The following ZFAND4 variants were observed in gnomAD, a reference collection of about 807,000 sequenced individuals.
The protein encoded by ZFAND4 is AN1-type zinc finger protein 4.
A neutral mutation model predicts 64.4 loss-of-function variants in ZFAND4; 43 were observed. The ratio of observed to expected loss-of-function variants is 0.67; its 90% CI spans 0.52 to 0.86. The LOEUF (loss-of-function observed/expected upper bound fraction) is 0.86, where lower values mean the gene tolerates loss of function less well. Among genes scored for constraint, ZFAND4 ranks in the 40% least tolerant of loss-of-function variants. The probability of loss-of-function intolerance (pLI) is 0.00; values close to 1 mark genes in which losing one functional copy is unlikely to be tolerated. For synonymous variants in ZFAND4, 296 were observed against 305.7 expected (o/e 0.97, Z 0.33); for missense variants, 929 against 859.8 (o/e 1.08, Z -1.01).
intron 6 of ZFAND4, among the ~76,000 whole-genome samples, chr10:45,628,689 T>C (rs937100651): frequency 7.9e-5 from 12 of 151,968 alleles, no homozygotes; most frequent in African/African-American, 2.2e-4. Context: ...TAATGACAGC[T>C]GCCTAAAACT....
chr10:45,618,240 G>C lies in ZFAND4; in HGVS notation c.1948C>G (p.Leu650Val), dbSNP rs1410990329. ...KSVGECTTHH[L>V]PPVKAPLQTK... ...TGAAGAGGGGCTTTCACAGGTGGGA[G>C]GTGATGAGTAGTACATTCTCCTGTT... The change falls in exon 9 of 10, where the codon CTC becomes GTC. Residue 650 changes from leucine to valine, a missense_variant. By Grantham distance (32) the Leu-to-Val change is conservative. Transcript: ENST00000344646. The C allele has an allele frequency of 1.2e-6, 2 of 1,613,088 alleles. No individual in the cohort carries two copies. The highest frequency in any genetic ancestry group is 2.7e-5 in the African/African-American group (2 of 74,822).
At chr10:45,663,996 T>C (rs2048642119) in intron 1 of ZFAND4, among the ~76,000 whole-genome samples, 154 bp from the exon 2 acceptor site, 1 of 152,192 alleles carries the variant, frequency 6.6e-6, no homozygotes, top group South Asian at 2.1e-4. Flanking sequence ...TTTTCACATT[T>C]GTCTCTGAAA....
intron 7 of ZFAND4, among the ~76,000 whole-genome samples, chr10:45,625,499 G>A (rs367783656): frequency 6.7e-6 from 1 of 149,682 alleles, no homozygotes; most frequent in African/African-American, 2.4e-5. Context: ...AAAAAAGGGA[G>A]AGAGAGAGTG....
intron 6 of ZFAND4, among the ~76,000 whole-genome samples, chr10:45,629,912 C>T (rs2046091178): frequency 6.6e-6 from 1 of 151,932 alleles, no homozygotes. Context: ...AAAAGTGTGT[C>T]ACTGATTTAA....
rs576019190 is a variant in ZFAND4 at position 45,641,612 on chromosome 10, A to G, written c.570-1649T>C. 6.4e-4 allele frequency among the ~76,000 whole-genome samples: 97 copies of G among 152,300 alleles called. 2 individuals are homozygous for G. The South Asian group carries it at 0.019, about 31-fold the overall frequency. ...AATGTAGGACTGGTCTCCACAACCA[A>G]TTCAGTCTGTGGTGCTTGACTTGTG... On this transcript the variant is annotated intron_variant, in intron 5 of 9. Transcript: ENST00000344646.
chr10:45,640,307 G>A, intron 5 of ZFAND4: 1 of 1,247,796 alleles, frequency 8.0e-7, no homozygotes, highest in Non-Finnish European at 1.0e-6. Flanking sequence ...ATCAGCCAAG[G>A]CTGATAATTG....
Position 45,639,849 on chromosome 10 carries a change from C to A in ZFAND4, c.684G>T (p.Lys228Asn), listed in dbSNP as rs2046866610. ...TGAGATTCATGTTCTTCATCTTAGC[C>A]TTCAGCAGCTTCATCTTATTCATAG... ...SITMNKMKLL[K>N]AKMKNMNLSK... The change falls in exon 6 of 10, where the codon AAG becomes AAT. Residue 228 changes from lysine to asparagine, a missense_variant. Transcript: ENST00000344646. 4 of 1,612,146 alleles carry A rather than the reference C, an allele frequency of 2.5e-6. No individual in the cohort carries two copies. Among genetic ancestry groups the A allele is most frequent in the Non-Finnish European group, 3.4e-6 (4 of 1,179,598 alleles).
intron 4 of ZFAND4, chr10:45,651,293 T>G (rs2133787548): frequency 4.4e-6 from 1 of 226,998 alleles, no homozygotes; most frequent in East Asian, 9.8e-5. Flanking sequence ...ACTAATGTCA[T>G]CTTTTTCGAG....
chr10:45,648,295 T>C lies in ZFAND4; in HGVS notation c.568A>G (p.Ser190Gly). Reference protein sequence around the residue: ...VLRRKGEHRMSGGSMYNSDTD... With the variant: ...VLRRKGEHRMGGGSMYNSDTD... Reference sequence around the variant, plus strand: ...GGTAAACAAAAGTTTATGGAGTACCTCATACGATGTTCTCCTTTTCTCCGT... The same window carrying C: ...GGTAAACAAAAGTTTATGGAGTACCCCATACGATGTTCTCCTTTTCTCCGT... Residue 190 changes from serine to glycine, a missense_variant and splice_region_variant, in exon 5 of 10, where the codon AGT becomes GGT. By Grantham distance (56) the Ser-to-Gly change is moderately conservative. Coordinates refer to ENST00000344646, the MANE Select transcript of ZFAND4 (RefSeq NM_174890.4). 1.2e-6 allele frequency: 2 copies of C among 1,604,416 alleles called. No individual in the cohort carries two copies. The highest frequency in any genetic ancestry group is 1.7e-6 in the Non-Finnish European group (2 of 1,175,566).
At chr10:45,632,255 G>C (rs1438588916) in intron 6 of ZFAND4, among the ~76,000 whole-genome samples, 1 of 152,218 alleles carries the variant, frequency 6.6e-6, no homozygotes. Context: ...CTACTCAGAA[G>C]ACTGAGGCAG....
chr10:45,644,019 A>G (rs998787786), intron 5 of ZFAND4, among the ~76,000 whole-genome samples: 7 of 152,248 alleles, frequency 4.6e-5, no homozygotes. Flanking sequence ...TCACCCAATC[A>G]TGTATTACAA....
intron 5 of ZFAND4, chr10:45,640,339 A>C (rs1278809827): frequency 7.9e-7 from 1 of 1,273,030 alleles, no homozygotes; most frequent in East Asian, 5.7e-5. Context: ...CAACAGGCTG[A>C]TGAGATTTCC....
chr10:45,632,784 A>C lies in ZFAND4; in HGVS notation c.718-5679T>G, dbSNP rs190616855. On this transcript the variant is annotated intron_variant, in intron 6 of 9. Transcript: ENST00000344646. Reference sequence around the variant, plus strand: ...GACATTTAAGACCAAATATGAAGTCATATCAATAAATATAAACGTGATTAA... The same window carrying C: ...GACATTTAAGACCAAATATGAAGTCCTATCAATAAATATAAACGTGATTAA... Among the ~76,000 whole-genome samples, 24 of 152,360 alleles carry C rather than the reference A, an allele frequency of 1.6e-4. No individual in the cohort carries two copies. The East Asian group carries it at 1.9e-3, about 12-fold the overall frequency.
rs1564592221 is a variant in ZFAND4 at position 45,640,437 on chromosome 10, A to AAG, written c.570-475_570-474insCT. 8.8e-6 allele frequency: 11 copies of AAG among 1,245,220 alleles called. No homozygotes were observed. The African/African-American group carries it at 9.6e-5, about 11-fold the overall frequency. 77.1% of individuals were successfully genotyped at this position (1,245,220 alleles called of 1,614,324 possible). A position where few individuals can be genotyped will look rare whatever the true frequency, so the allele number is the denominator to read the frequency against. On this transcript the variant is annotated intron_variant, in intron 5 of 9. Coordinates refer to ENST00000344646, the MANE Select transcript of ZFAND4 (RefSeq NM_174890.4). ...GAGATTCTCACTAAAAAAAAAAAAA[A>AAG]AAAAAGAATTCATACACAGGTGTCA...
chr10:45,619,952 T>A (rs898798194), intron 8 of ZFAND4, among the ~76,000 whole-genome samples: 7 of 152,186 alleles, frequency 4.6e-5, no homozygotes, highest in Non-Finnish European at 8.8e-5. Context: ...AAAGTATTTT[T>A]AAAAAGATAT....
chr10:45,636,969 T>C (rs889366348), intron 6 of ZFAND4, among the ~76,000 whole-genome samples: 1 of 151,988 alleles, frequency 6.6e-6, no homozygotes, highest in African/African-American at 2.4e-5. Context: ...AAGGATGTTT[T>C]TTCTTAATAG....
At chr10:45,655,021 A>C (rs1425646172) in intron 2 of ZFAND4, among the ~76,000 whole-genome samples, 1 of 152,222 alleles carries the variant, frequency 6.6e-6, no homozygotes, top group Admixed American at 6.5e-5. Flanking sequence ...ATATTTACAG[A>C]ACATTCAACC....
At position 45,665,125 on chromosome 10, in the gene ZFAND4, C is replaced by A. The variant is rs150714890; in HGVS notation, c.-117-1283G>T. On this transcript the variant is annotated intron_variant, in intron 1 of 9. Coordinates refer to ENST00000344646, the MANE Select transcript of ZFAND4 (RefSeq NM_174890.4). Reference sequence around the variant, plus strand: ...AATGACAAGTATAGAACTAGGAGCACAAAAATGATCAAATTGCTATTGCTA... The same window carrying A: ...AATGACAAGTATAGAACTAGGAGCAAAAAAATGATCAAATTGCTATTGCTA... Among the ~76,000 whole-genome samples the A allele has an allele frequency of 2.2e-4, 34 of 152,198 alleles. No individual in the cohort carries two copies. In the East Asian group the frequency reaches 6.2e-3, roughly 28 times the overall value.
chr10:45,618,122 T>C lies in ZFAND4; in HGVS notation c.2048+18A>G, dbSNP rs1245504725. The stretch of plus-strand genomic sequence containing the variant: ...ATCACAGAGAAAGCATCTGAGCTTC[T>C]CCAGCTCGCCAACCTGCCTGCATTC... On this transcript the variant is annotated intron_variant, in intron 9 of 9. Transcript: ENST00000344646. 2.5e-6 allele frequency: 4 copies of C among 1,601,500 alleles called. No homozygotes were observed. The African/African-American group carries it at 5.4e-5, about 22-fold the overall frequency.
Sources: gnomAD v4.1 joint callset for allele counts (sites outside exome capture counted in the v4.1 genomes callset) on GRCh38, gnomAD v4.1.1 for gene constraint, MANE v1.5 for transcripts, NCBI Gene and HGNC (gene_info 2026-07-23, HGNC 2026-07-21) for gene names.